The following SCHIP1 variants were observed in gnomAD, a reference collection of about 807,000 sequenced individuals.
SCHIP1 encodes the protein schwannomin interacting protein 1, also known as schwannomin-interacting protein 1.
In SCHIP1, 8 loss-of-function variants were observed where a neutral mutation model predicts 29.7. That is an observed-to-expected ratio of 0.27 (90% CI 0.16 to 0.49). The LOEUF (loss-of-function observed/expected upper bound fraction) is 0.49. SCHIP1 is among the 20% of genes least tolerant of loss of function. The probability of loss-of-function intolerance (pLI) is 0.99; values close to 1 mark genes in which losing one functional copy is unlikely to be tolerated. For synonymous variants in SCHIP1, 76 were observed against 94.9 expected, an observed-to-expected ratio of 0.80 and a Z score of 1.16; for missense variants, 193 against 294.6, an observed-to-expected ratio of 0.66 and a Z score of 2.52.
At chr3:159,494,978 G>A in the SCHIP1 span, among the ~76,000 whole-genome samples, 1 of 152,104 alleles carries the variant, frequency 6.6e-6, no homozygotes, top group Non-Finnish European at 1.5e-5. Flanking sequence ...ATGTAATCCA[G>A]CATATAAACA....
chr3:159,330,739 A>G, the SCHIP1 span, among the ~76,000 whole-genome samples: 62 of 152,222 alleles, frequency 4.1e-4, no homozygotes, highest in Non-Finnish European at 7.3e-4. Flanking sequence ...CTATAAAATA[A>G]TTAGTCCAGT....
At chr3:159,770,618 G>A in the SCHIP1 span, among the ~76,000 whole-genome samples, 1 of 152,174 alleles carries the variant, frequency 6.6e-6, no homozygotes, top group South Asian at 2.1e-4. Flanking sequence ...GCTTGATCAC[G>A]TGGTAGGTGT....
the SCHIP1 span, among the ~76,000 whole-genome samples, chr3:159,392,555 G>A: frequency 9.3e-5 from 14 of 150,964 alleles, no homozygotes; most frequent in African/African-American, 2.2e-4. Context: ...GAGAACATGC[G>A]GTGTTTGTTT....
chr3:159,389,591 G>C, the SCHIP1 span, among the ~76,000 whole-genome samples: 1 of 152,060 alleles, frequency 6.6e-6, no homozygotes, highest in African/African-American at 2.4e-5. Flanking sequence ...AGGATAATTA[G>C]AGAAGTATTG....
chr3:159,785,203 T>C, the SCHIP1 span, among the ~76,000 whole-genome samples: 2 of 152,132 alleles, frequency 1.3e-5, no homozygotes, highest in East Asian at 3.8e-4. Flanking sequence ...AACAAATGAA[T>C]AAAATAAAAA....
chr3:159,742,834 ATTTTTTTTTTT>A, the SCHIP1 span, among the ~76,000 whole-genome samples: 2 of 110,818 alleles, frequency 1.8e-5, no homozygotes, highest in Non-Finnish European at 3.6e-5. Flanking sequence ...CGCCTAGCTA[ATTTTTTTTTTT>A]TTTTTTTTTT....
the SCHIP1 span, among the ~76,000 whole-genome samples, chr3:159,735,683 C>A: frequency 1.3e-5 from 2 of 152,178 alleles, no homozygotes; most frequent in African/African-American, 2.4e-5. Context: ...CAAAAAAATT[C>A]TGTCACCAGT....
At chr3:159,815,470 G>A in the SCHIP1 span, among the ~76,000 whole-genome samples, 1 of 152,074 alleles carries the variant, frequency 6.6e-6, no homozygotes, top group African/African-American at 2.4e-5. Context: ...TTGACACCTT[G>A]GGGGGATGAA....
the SCHIP1 span, among the ~76,000 whole-genome samples, chr3:159,537,061 T>G: frequency 2.0e-5 from 3 of 152,182 alleles, no homozygotes; most frequent in Admixed American, 1.3e-4. Context: ...AGACAGCCAG[T>G]TGTTAAACAT....
At position 159,855,663 on chromosome 3, in the gene SCHIP1, A is replaced by AT. The variant is rs60953677; in HGVS notation, c.31-10490dup. Among the ~76,000 whole-genome samples the AT allele has an allele frequency of 0.017, 2,489 of 150,708 alleles. 107 individuals are homozygous for AT. The South Asian group carries it at 0.17, about 10-fold the overall frequency. On this transcript the variant is annotated intron_variant, in intron 1 of 6. Transcript: ENST00000445224. ...AATATAAATATAAGTAAAAGTTGTA[A>AT]TTTTTTTTTTATCTCCTGTGGTACT...
the SCHIP1 span, among the ~76,000 whole-genome samples, chr3:159,341,229 T>C: frequency 1.3e-5 from 2 of 150,962 alleles, no homozygotes; most frequent in East Asian, 1.9e-4. Context: ...TGCTGCCGCC[T>C]TACTGCCCTA....
At chr3:159,686,114 A>G in the SCHIP1 span, among the ~76,000 whole-genome samples, 2 of 152,204 alleles carry the variant, frequency 1.3e-5, no homozygotes, top group South Asian at 4.1e-4. Context: ...CTGGAACACA[A>G]AAGGCTACAC....
the SCHIP1 span, among the ~76,000 whole-genome samples, chr3:159,318,367 C>T: frequency 6.6e-6 from 1 of 152,210 alleles, no homozygotes; most frequent in African/African-American, 2.4e-5. Context: ...CCAACCAAAC[C>T]ATTGGCTGCA....
At chr3:159,319,722 C>CT in the SCHIP1 span, among the ~76,000 whole-genome samples, 4 of 151,958 alleles carry the variant, frequency 2.6e-5, no homozygotes, top group Non-Finnish European at 2.9e-5. Context: ...ATTTGTTGCT[C>CT]TTTTTTTTGA....
the SCHIP1 span, among the ~76,000 whole-genome samples, chr3:159,792,167 A>G: frequency 1.3e-5 from 2 of 152,168 alleles, no homozygotes; most frequent in African/African-American, 4.8e-5. Flanking sequence ...TGGTACTGAT[A>G]GTGCCCTCCT....
the SCHIP1 span, among the ~76,000 whole-genome samples, chr3:159,418,806 T>C: frequency 7.8e-5 from 1 of 12,788 alleles, no homozygotes; most frequent in Non-Finnish European, 1.5e-4. Context: ...GGGGAACAGA[T>C]GGCAGAATCA....
At chr3:159,649,867 A>G in the SCHIP1 span, among the ~76,000 whole-genome samples, 24 of 152,180 alleles carry the variant, frequency 1.6e-4, no homozygotes, top group Non-Finnish European at 2.9e-4. Context: ...AGGGGGATCC[A>G]AATATCCTGT....
the SCHIP1 span, among the ~76,000 whole-genome samples, chr3:159,535,774 T>C: frequency 6.6e-6 from 1 of 152,210 alleles, no homozygotes; most frequent in East Asian, 1.9e-4. Flanking sequence ...AGTAAACATT[T>C]TAGGCTTTGC....
At chr3:159,757,852 G>A in the SCHIP1 span, among the ~76,000 whole-genome samples, 5 of 152,138 alleles carry the variant, frequency 3.3e-5, no homozygotes, top group African/African-American at 4.8e-5. Flanking sequence ...ATTTTCTGAC[G>A]TTATAAGGTT....
Sources: allele counts gnomAD v4.1 joint callset (sites outside exome capture counted in the v4.1 genomes callset), GRCh38; gene constraint gnomAD v4.1.1; transcripts MANE v1.5; gene names NCBI Gene and HGNC (gene_info 2026-07-23, HGNC 2026-07-21).